COL4A6: variants seen among roughly 807,000 people sequenced by gnomAD.
COL4A6 encodes the protein collagen type IV alpha 6 chain, also known as collagen alpha-6(IV) chain.
A neutral mutation model predicts 126.7 loss-of-function variants in COL4A6; 59 were observed. That is an observed-to-expected ratio of 0.47 (90% CI 0.38 to 0.58). COL4A6 has a LOEUF of 0.58. Among genes scored for constraint, COL4A6 ranks in the 20% least tolerant of loss-of-function variants. The probability of loss-of-function intolerance (pLI) is 0.00; values close to 1 mark genes in which losing one functional copy is unlikely to be tolerated. For synonymous variants in COL4A6, 547 were observed against 496.6 expected (o/e 1.10, Z -1.35); for missense variants, 1,285 against 1,337.3 (o/e 0.96, Z 0.61).
intron 3 of COL4A6, among the ~76,000 whole-genome samples, chrX:108,242,207 T>G (rs1215438966): frequency 9.0e-6 from 1 of 111,267 alleles, no homozygotes; most frequent in Non-Finnish European, 1.9e-5. Context: ...TTTAATAAAA[T>G]GCACTGAAAT....
intron 2 of COL4A6, among the ~76,000 whole-genome samples, chrX:108,390,160 C>T (rs762174707): frequency 2.7e-5 from 3 of 111,515 alleles, no homozygotes; most frequent in South Asian, 7.7e-4. Flanking sequence ...GTGCCCTTAA[C>T]ATTTTTTCCT....
At chrX:108,195,273 G>A (rs537358363) in intron 14 of COL4A6, 147 bp from the exon 15 acceptor site, 1 of 323,501 alleles carries the variant, frequency 3.1e-6, no homozygotes. Flanking sequence ...CTAGCTTAAC[G>A]ACTTTTTTTT....
At chrX:108,184,744 A>T (rs1163136649) in intron 23 of COL4A6, among the ~76,000 whole-genome samples, 2 of 112,183 alleles carry the variant, frequency 1.8e-5, no homozygotes, top group Non-Finnish European at 3.8e-5. Context: ...TGCATAAGGC[A>T]TCTCCCAGGC....
At chrX:108,384,051 C>T (rs1254767267) in intron 2 of COL4A6, 1 of 468,112 alleles carries the variant, frequency 2.1e-6, no homozygotes, top group South Asian at 5.9e-5. Flanking sequence ...ATTTACCTGT[C>T]TATGCATTCA....
intron 2 of COL4A6, among the ~76,000 whole-genome samples, chrX:108,315,614 C>A (rs758208150): frequency 6.2e-5 from 7 of 112,158 alleles, no homozygotes; most frequent in Admixed American, 1.9e-4. Context: ...CTCCACACAT[C>A]TATCCTTTTG....
rs1371971576 is a variant in COL4A6 at position 108,343,499 on chromosome X, TA to T, written c.64-32672del. 5.4e-5 allele frequency among the ~76,000 whole-genome samples: 6 copies of T among 110,651 alleles called. No homozygotes were observed. The Admixed American group carries it at 5.8e-4, about 11-fold the overall frequency. ...AAAAGCATAACAAAATAAACATTAC[TA>T]AACAAGAATAAATATCCCTAGTCAT... is the stretch of plus-strand genomic sequence containing the variant. On this transcript the variant is annotated intron_variant, in intron 2 of 44. Coordinates refer to ENST00000334504, the MANE Select transcript of COL4A6 (RefSeq NM_033641.4).
chrX:108,420,462 C>A (rs2148268833), intron 2 of COL4A6, among the ~76,000 whole-genome samples: 1 of 111,629 alleles, frequency 9.0e-6, no homozygotes, highest in African/African-American at 3.3e-5. Flanking sequence ...ACAGCATAAC[C>A]TACCCTATCC....
intron 3 of COL4A6, among the ~76,000 whole-genome samples, chrX:108,270,715 C>T (rs890431231): frequency 1.8e-5 from 2 of 112,116 alleles, no homozygotes; most frequent in South Asian, 3.7e-4. Flanking sequence ...AATTTTCAAA[C>T]CTTTTTTCAA....
Position 108,187,261 on chromosome X carries a change from A to T in COL4A6, c.1786T>A (p.Phe596Ile). 8.6e-7 allele frequency: 1 copy of T among 1,164,065 alleles called. No individual in the cohort carries two copies. ...CCAGGTAACCCCTTTTCACCTGGGAAGCCCTGTCCACCATCACCCTAGACA... is the reference window on the plus strand; with the variant it reads ...CCAGGTAACCCCTTTTCACCTGGGATGCCCTGTCCACCATCACCCTAGACA... The part of the protein sequence containing the change: ...PGLPGDGGQG[F>I]PGEKGLPGLP... The change falls in exon 23 of 45, where the codon TTC (phenylalanine) becomes ATC (isoleucine). Residue 596 changes from phenylalanine (F) to isoleucine (I), a missense_variant. Coordinates refer to ENST00000334504, the MANE Select transcript of COL4A6 (RefSeq NM_033641.4).
At chrX:108,234,122 T>A (rs1209087695) in intron 3 of COL4A6, among the ~76,000 whole-genome samples, 1 of 111,697 alleles carries the variant, frequency 9.0e-6, no homozygotes, top group East Asian at 2.8e-4. Flanking sequence ...GATTTCAAAG[T>A]GTTTTCACAT....
intron 3 of COL4A6, among the ~76,000 whole-genome samples, chrX:108,223,769 T>A (rs1224991816): frequency 9.0e-6 from 1 of 111,545 alleles, no homozygotes; most frequent in Non-Finnish European, 1.9e-5. Context: ...CAGGGCTGCC[T>A]GCCTGAGGCT....
chrX:108,164,971 G>T lies in COL4A6; in HGVS notation c.3876C>A (p.Asp1292Glu). The change falls in exon 39 of 45, where the codon GAC becomes GAA. Residue 1292 changes from aspartate (D) to glutamate (E), a missense_variant. Coordinates refer to ENST00000334504, the MANE Select transcript of COL4A6 (RefSeq NM_033641.4). ...GPSSNQGDTG[D>E]PGFPGIPGPK... ...GTCCAGGAATTCCAGGGAAGCCAGG[G>T]TCTCCGGTGTCGCCTTGATTCGAGG... 1 of 1,211,135 alleles carries T rather than the reference G, an allele frequency of 8.3e-7. No homozygotes were observed. The highest frequency in any genetic ancestry group is 1.1e-6 in the Non-Finnish European group (1 of 895,199).
intron 3 of COL4A6, among the ~76,000 whole-genome samples, chrX:108,264,219 A>G (rs1434979218): frequency 1.8e-5 from 2 of 111,561 alleles, no homozygotes; most frequent in African/African-American, 6.5e-5. Context: ...TTTCAGTCCC[A>G]GCTTCTGTTA....
intron 2 of COL4A6, among the ~76,000 whole-genome samples, chrX:108,317,271 G>GA (rs1414504633): frequency 2.7e-5 from 3 of 112,338 alleles, no homozygotes; most frequent in Non-Finnish European, 5.6e-5. Flanking sequence ...CAACTACAAG[G>GA]ATGCAATTGC....
chrX:108,318,394 A>G (rs1337494335), intron 2 of COL4A6, among the ~76,000 whole-genome samples: 1 of 111,409 alleles, frequency 9.0e-6, no homozygotes, highest in Non-Finnish European at 1.9e-5. Context: ...CAGGAGAAGG[A>G]AATAAATGGT....
At chrX:108,436,008 G>A (rs958201092) in intron 2 of COL4A6, among the ~76,000 whole-genome samples, 2 of 111,487 alleles carry the variant, frequency 1.8e-5, no homozygotes, top group African/African-American at 6.5e-5. Context: ...TAAGAATCCC[G>A]TGCAAAGAGT....
intron 40 of COL4A6, 149 bp from the exon 41 acceptor site, chrX:108,163,187 T>C (rs2034017719): frequency 4.3e-6 from 2 of 463,858 alleles, no homozygotes; most frequent in South Asian, 7.9e-5. Flanking sequence ...GATGGCACTG[T>C]GTGATATTAT....
chrX:108,271,412 A>G (rs1199029317), intron 3 of COL4A6, among the ~76,000 whole-genome samples: 1 of 112,518 alleles, frequency 8.9e-6, no homozygotes, highest in Admixed American at 9.4e-5. Context: ...ATTTCCACTG[A>G]TAAAATAAAT....
intron 2 of COL4A6, among the ~76,000 whole-genome samples, chrX:108,417,649 G>A (rs1195124689): frequency 2.7e-5 from 3 of 111,672 alleles, no homozygotes; most frequent in Non-Finnish European, 3.8e-5. Flanking sequence ...AAAATAAACT[G>A]TTGTAAATTT....
Sources: gnomAD v4.1 joint callset for allele counts (sites outside exome capture counted in the v4.1 genomes callset) on GRCh38, gnomAD v4.1.1 for gene constraint, MANE v1.5 for transcripts, NCBI Gene and HGNC (gene_info 2026-07-23, HGNC 2026-07-21) for gene names.